ANO10: variants seen among roughly 807,000 people sequenced by gnomAD.
ANO10 encodes the protein anoctamin 10.
A neutral mutation model predicts 74.7 loss-of-function variants in ANO10; 77 were observed. The observed-to-expected ratio is 1.03, with a 90% CI of 0.86 to 1.25. The LOEUF (loss-of-function observed/expected upper bound fraction) is 1.25, where lower values mean the gene tolerates loss of function less well. Ranked by LOEUF, ANO10 falls within the 50% of genes most tolerant of loss-of-function variation. ANO10 has a pLI of 0.00. For synonymous variants in ANO10, 279 were observed against 284.9 expected (o/e 0.98, Z 0.21); for missense variants, 721 against 778.1 (o/e 0.93, Z 0.87).
chr3:43,562,309 G>A lies in ANO10; in HGVS notation c.1294-907C>T, dbSNP rs1026854083. Among the ~76,000 whole-genome samples the A allele has an allele frequency of 6.6e-5, 10 of 151,880 alleles. No homozygotes were observed. The Middle Eastern group carries it at 0.01, about 155-fold the overall frequency. ...CTACTAAAAATACAAAAAGTTAGCC[G>A]GGCATGGTGGCACGTGCCTGTAGTC... On this transcript the variant is annotated intron_variant, in intron 8 of 12. Transcript: ENST00000292246.
At chr3:43,424,735 G>C (rs1188077406) in intron 12 of ANO10, 1 of 152,212 alleles carries the variant, frequency 6.6e-6, no homozygotes, top group Non-Finnish European at 1.5e-5. Context: ...AGACTGATTT[G>C]AGTAATAATA....
chr3:43,493,352 A>G (rs1008196090), intron 11 of ANO10, among the ~76,000 whole-genome samples: 2 of 152,166 alleles, frequency 1.3e-5, no homozygotes, highest in African/African-American at 4.8e-5. Flanking sequence ...ACCATGGCAC[A>G]TTTATACCTA....
Position 43,561,216 on chromosome 3 carries a change from T to C in ANO10, c.1476+4A>G. The C allele has an allele frequency of 2.5e-6, 4 of 1,614,096 alleles. No homozygotes were observed. The highest frequency in any genetic ancestry group is 3.4e-6 in the Non-Finnish European group (4 of 1,179,930). On this transcript the variant is annotated splice_donor_region_variant and intron_variant, in intron 9 of 12. Transcript: ENST00000292246. Reference sequence around the variant, plus strand: ...ATGTTTAATTCAGCAATATTCCAACTTACCAAATAAGTTCCCATTTCTTTT... The same window carrying C: ...ATGTTTAATTCAGCAATATTCCAACCTACCAAATAAGTTCCCATTTCTTTT...
chr3:43,566,584 C>T (rs1028782548), intron 7 of ANO10, among the ~76,000 whole-genome samples: 1 of 152,216 alleles, frequency 6.6e-6, no homozygotes, highest in Admixed American at 6.5e-5. Context: ...ACACTGACAC[C>T]TCACACGGCA....
intron 11 of ANO10, among the ~76,000 whole-genome samples, chr3:43,460,189 ATTACAGC>A: frequency 1.3e-5 from 2 of 152,206 alleles, no homozygotes; most frequent in Non-Finnish European, 2.9e-5. Flanking sequence ...AGTGTAGAAA[ATTACAGC>A]CTAGAACCCA....
intron 12 of ANO10, among the ~76,000 whole-genome samples, chr3:43,407,155 C>T (rs1258113920): frequency 2.0e-5 from 3 of 152,154 alleles, no homozygotes; most frequent in South Asian, 2.1e-4. Flanking sequence ...CCACCCACCT[C>T]GGCCTCCTAA....
At chr3:43,437,097 A>G (rs2093080327) in intron 11 of ANO10, among the ~76,000 whole-genome samples, 2 of 152,238 alleles carry the variant, frequency 1.3e-5, no homozygotes, top group Non-Finnish European at 2.9e-5. Context: ...TTATGGAATT[A>G]GGCTCTTAAG....
chr3:43,418,459 A>G (rs1246732948), intron 12 of ANO10, among the ~76,000 whole-genome samples: 1 of 152,240 alleles, frequency 6.6e-6, no homozygotes, highest in Non-Finnish European at 1.5e-5. Context: ...GATTTTAGAC[A>G]AATCACATAT....
chr3:43,658,656 G>C (rs1047997393), intron 1 of ANO10, among the ~76,000 whole-genome samples: 12 of 152,112 alleles, frequency 7.9e-5, no homozygotes, highest in African/African-American at 2.7e-4. Context: ...TTTTAGTAGA[G>C]ACGGGATTTC....
chr3:43,674,368 T>C (rs1205680769), intron 1 of ANO10, among the ~76,000 whole-genome samples: 2 of 152,136 alleles, frequency 1.3e-5, no homozygotes, highest in African/African-American at 4.8e-5. Flanking sequence ...CAGGCTGGTC[T>C]GAAACTCCTA....
At chr3:43,576,067 T>C (rs767743980) in intron 6 of ANO10, among the ~76,000 whole-genome samples, 19 of 152,240 alleles carry the variant, frequency 1.2e-4, no homozygotes, top group Non-Finnish European at 1.9e-4. Flanking sequence ...TTTCAACTTA[T>C]AACCAAGTTC....
intron 12 of ANO10, among the ~76,000 whole-genome samples, chr3:43,384,102 AGT>A (rs2092049196): frequency 6.6e-6 from 1 of 152,242 alleles, no homozygotes; most frequent in Non-Finnish European, 1.5e-5. Flanking sequence ...TACACAAATC[AGT>A]AGCCCTGCTA....
At chr3:43,544,446 T>C (rs915842048) in intron 11 of ANO10, among the ~76,000 whole-genome samples, 2 of 151,832 alleles carry the variant, frequency 1.3e-5, no homozygotes, top group Non-Finnish European at 2.9e-5. Flanking sequence ...ACAGCAGTGA[T>C]CATTTTTGCC....
chr3:43,580,379 C>A lies in ANO10; in HGVS notation c.566G>T (p.Arg189Leu). The change falls in exon 5 of 13, where the codon CGG (arginine) becomes CTG (leucine). Residue 189 changes from arginine (R) to leucine (L), a missense_variant. Coordinates refer to ENST00000292246, the MANE Select transcript of ANO10 (RefSeq NM_018075.5). ...TATGGGCTGATACTTCAAAGCAAAC[C>A]GAGTGTACCAGGTGTCCTCAAGCTT... ...LKKLEDTWYTRFALKYQPIDS... is the reference protein window; with the variant it reads ...LKKLEDTWYTLFALKYQPIDS... 6.2e-7 allele frequency: 1 copy of A among 1,613,960 alleles called. No homozygotes were observed. Among genetic ancestry groups the A allele is most frequent in the Non-Finnish European group, 8.5e-7 (1 of 1,179,974 alleles).
At chr3:43,527,857 G>T (rs997378865) in intron 11 of ANO10, among the ~76,000 whole-genome samples, 1 of 152,156 alleles carries the variant, frequency 6.6e-6, no homozygotes, top group African/African-American at 2.4e-5. Flanking sequence ...GAATCAAAAG[G>T]ATAGTGCTTG....
intron 11 of ANO10, among the ~76,000 whole-genome samples, chr3:43,544,254 C>CA (rs1410788297): frequency 1.3e-5 from 2 of 152,066 alleles, no homozygotes; most frequent in Non-Finnish European, 1.5e-5. Context: ...TTTTAACCCA[C>CA]AAAAAATGGC....
chr3:43,574,869 A>G lies in ANO10; in HGVS notation c.1163-5T>C, dbSNP rs1281977719. 2.5e-6 allele frequency: 4 copies of G among 1,613,064 alleles called. No homozygotes were observed. Among genetic ancestry groups the G allele is most frequent in the Admixed American group, 3.3e-5 (2 of 59,996 alleles). On this transcript the variant is annotated splice_region_variant and splice_polypyrimidine_tract_variant and intron_variant, in intron 6 of 12. Coordinates refer to ENST00000292246, the MANE Select transcript of ANO10 (RefSeq NM_018075.5). ...CAGATTCCAATCTGTGATTCTCTAA[A>G]ACATTAAAACACACAGGTAACTTCT... is the stretch of plus-strand genomic sequence containing the variant.
intron 12 of ANO10, among the ~76,000 whole-genome samples, chr3:43,400,174 T>C (rs999101304): frequency 6.6e-6 from 1 of 152,116 alleles, no homozygotes; most frequent in Admixed American, 6.6e-5. Context: ...TGTATGCTTT[T>C]CTTTCATGTT....
intron 12 of ANO10, among the ~76,000 whole-genome samples, chr3:43,394,546 C>T (rs934108935): frequency 6.6e-6 from 1 of 152,150 alleles, no homozygotes; most frequent in African/African-American, 2.4e-5. Context: ...ATCTTCTCTT[C>T]CAGTAAGAAG....
Sources: allele counts gnomAD v4.1 joint callset (sites outside exome capture counted in the v4.1 genomes callset), GRCh38; gene constraint gnomAD v4.1.1; transcripts MANE v1.5; gene names NCBI Gene and HGNC (gene_info 2026-07-23, HGNC 2026-07-21).